LARP4B: variants seen among roughly 807,000 people sequenced by gnomAD.
LARP4B encodes the protein La ribonucleoprotein 4B, also known as la-related protein 4B.
In LARP4B, 12 loss-of-function variants were observed where a neutral mutation model predicts 89.8. The ratio of observed to expected loss-of-function variants is 0.13; its 90% CI spans 0.09 to 0.22. LARP4B has a LOEUF of 0.22. LARP4B is among the 10% of genes least tolerant of loss of function. The pLI, the probability that LARP4B is intolerant of heterozygous loss-of-function variation, is 1.00. For missense variants in LARP4B, 757 were observed against 947.7 expected (o/e 0.80, Z 2.64); for synonymous variants, 367 against 363.3 (o/e 1.01, Z -0.12).
At chr10:867,687 C>A (rs919374005) in intron 3 of LARP4B, among the ~76,000 whole-genome samples, 2 of 151,634 alleles carry the variant, frequency 1.3e-5, no homozygotes, top group African/African-American at 4.8e-5. Context: ...ATGGTGAAAC[C>A]CCGTCTCTAC....
chr10:924,979 T>C (rs562851666), intron 1 of LARP4B, among the ~76,000 whole-genome samples: 1 of 152,254 alleles, frequency 6.6e-6, no homozygotes, highest in Non-Finnish European at 1.5e-5. Flanking sequence ...GAGTTTACAT[T>C]CAAGTATGAG....
chr10:945,422 C>G, the LARP4B span, among the ~76,000 whole-genome samples: 10 of 149,370 alleles, frequency 6.7e-5, no homozygotes, highest in South Asian at 6.4e-4. Flanking sequence ...CATGGTGGCT[C>G]ACACCTGTAA....
At chr10:941,439 G>A in the LARP4B span, among the ~76,000 whole-genome samples, 3 of 152,026 alleles carry the variant, frequency 2.0e-5, no homozygotes, top group African/African-American at 7.3e-5. Flanking sequence ...TCAGCCTCCT[G>A]AGTAGCTGGG....
At chr10:937,329 C>T in the LARP4B span, among the ~76,000 whole-genome samples, 1 of 152,298 alleles carries the variant, frequency 6.6e-6, no homozygotes, top group African/African-American at 2.4e-5. Flanking sequence ...AGATGTGAGC[C>T]ACCACACCTG....
intron 1 of LARP4B, among the ~76,000 whole-genome samples, chr10:905,046 G>A (rs181310655): frequency 6.6e-6 from 1 of 152,264 alleles, no homozygotes; most frequent in East Asian, 1.9e-4. Flanking sequence ...ACAATTCTGT[G>A]TTTAGACTCG....
rs187540526 is a variant in LARP4B at position 875,186 on chromosome 10, C to A, written c.141+9261G>T. Among the ~76,000 whole-genome samples the A allele has an allele frequency of 1.8e-4, 27 of 152,296 alleles. No homozygotes were observed. In the South Asian group the frequency reaches 5.0e-3, roughly 28 times the overall value. On this transcript the variant is annotated intron_variant, in intron 3 of 17. Transcript: ENST00000316157. Reference sequence around the variant, plus strand: ...GGACATAGTAAAGCAGAGAAGCTCACGAGATCACCTGCCTGGCTTTGAGTC... The same window carrying A: ...GGACATAGTAAAGCAGAGAAGCTCAAGAGATCACCTGCCTGGCTTTGAGTC...
intron 11 of LARP4B, among the ~76,000 whole-genome samples, chr10:827,044 G>T (rs543678381): frequency 7.2e-5 from 11 of 152,208 alleles, no homozygotes; most frequent in African/African-American, 2.6e-4. Flanking sequence ...GGAGGCCAAG[G>T]GGGGGCGGAT....
the LARP4B span, among the ~76,000 whole-genome samples, chr10:981,473 T>A: frequency 6.6e-6 from 1 of 152,138 alleles, no homozygotes; most frequent in Admixed American, 6.5e-5. Context: ...CAATATGAGA[T>A]TTGGGTGGGA....
At chr10:832,691 C>T (rs1325491130) in intron 8 of LARP4B, among the ~76,000 whole-genome samples, 1 of 151,884 alleles carries the variant, frequency 6.6e-6, no homozygotes, top group South Asian at 2.1e-4. Context: ...AGGAAAAAAC[C>T]CCCTCAATCC....
intron 3 of LARP4B, among the ~76,000 whole-genome samples, chr10:879,377 G>A (rs1251919244): frequency 6.6e-6 from 1 of 152,190 alleles, no homozygotes; most frequent in African/African-American, 2.4e-5. Flanking sequence ...GGGGGTAAAT[G>A]GATTGTTTTG....
chr10:883,894 T>C (rs1227026405), intron 3 of LARP4B, among the ~76,000 whole-genome samples: 1 of 152,212 alleles, frequency 6.6e-6, no homozygotes, highest in Non-Finnish European at 1.5e-5. Context: ...ATATTTTTAC[T>C]TTTTAAATTT....
upstream of LARP4B, among the ~76,000 whole-genome samples, chr10:934,758 C>A (rs1830725832): frequency 1.3e-5 from 2 of 152,182 alleles, no homozygotes; most frequent in African/African-American, 4.8e-5. Context: ...CAGATACACT[C>A]CCTCATTTCC....
In LARP4B at chr10:905,660, G is replaced by GGGGAGGAGCTGAGGAGCAA. The variant is rs60723008; in HGVS notation, c.-39-19919_-39-19901dup. On this transcript the variant is annotated intron_variant, in intron 1 of 17. Coordinates refer to ENST00000316157, the MANE Select transcript of LARP4B (RefSeq NM_015155.3). ...AAAAAAAAGAAAGTGAACGTGGGGA[G>GGGGAGGAGCTGAGGAGCAA]GGGAGGAGCTGAGGAGCAAGGGAGG... Among the ~76,000 whole-genome samples the GGGGAGGAGCTGAGGAGCAA allele has an allele frequency of 3.4e-3, 510 of 151,332 alleles. 2 individuals are homozygous for GGGGAGGAGCTGAGGAGCAA. The highest frequency in any genetic ancestry group is 0.01 in the Middle Eastern group (3 of 294).
chr10:896,988 ATTTT>A (rs58205872), intron 1 of LARP4B, among the ~76,000 whole-genome samples: 18 of 137,456 alleles, frequency 1.3e-4, no homozygotes, highest in Admixed American at 3.6e-4. Context: ...TTGTGGGAGA[ATTTT>A]TTTTTTTTTT....
chr10:877,069 G>T (rs1433009971), intron 3 of LARP4B, among the ~76,000 whole-genome samples: 2 of 152,178 alleles, frequency 1.3e-5, no homozygotes, highest in Non-Finnish European at 2.9e-5. Context: ...GGCGGCTCTG[G>T]GCAGCAAGCC....
In LARP4B at chr10:814,960, T is replaced by C. The variant is rs200113235; in HGVS notation, c.1806A>G (p.Pro602=). Residue 602 remains proline (P), a synonymous_variant, in exon 16 of 18, where the codon CCA becomes CCG. Coordinates refer to ENST00000316157, the MANE Select transcript of LARP4B (RefSeq NM_015155.3). This position sits in a 1 kb window ranked among gnomAD's most constrained non-coding sequence, Gnocchi z 4.4. ...CCAATACTCACTCGGGTAAATGAGC[T>C]GGGGAGGGGGATCGCTCGTACGTTG... is the stretch of plus-strand genomic sequence containing the variant. ...VSATYERSPS[P]AHLPDDPKVA... 2.9e-5 allele frequency: 46 copies of C among 1,597,930 alleles called. No individual in the cohort carries two copies. The highest frequency in any genetic ancestry group is 5.1e-5 in the Admixed American group (3 of 58,726).
At chr10:842,143 C>T (rs959214659) in intron 7 of LARP4B, among the ~76,000 whole-genome samples, 1 of 152,068 alleles carries the variant, frequency 6.6e-6, no homozygotes, top group African/African-American at 2.4e-5. Context: ...ACACTTAATG[C>T]TTAAACACTG....
At chr10:963,023 T>A in the LARP4B span, among the ~76,000 whole-genome samples, 1 of 152,176 alleles carries the variant, frequency 6.6e-6, no homozygotes, top group Non-Finnish European at 1.5e-5. Context: ...GATGTTGCTC[T>A]CCACTCTAAG....
At chr10:829,260 T>C in intron 11 of LARP4B, 125 bp downstream of exon 11, 1 of 785,990 alleles carries the variant, frequency 1.3e-6, no homozygotes, top group Non-Finnish European at 2.0e-6. Flanking sequence ...CCACATAACT[T>C]GAAGGTCTGT....
Sources: allele counts gnomAD v4.1 joint callset (sites outside exome capture counted in the v4.1 genomes callset), GRCh38; gene constraint gnomAD v4.1.1; non-coding constraint Gnocchi (gnomAD v3.1); transcripts MANE v1.5; gene names NCBI Gene and HGNC (gene_info 2026-07-23, HGNC 2026-07-21).